The following ABI3BP variants were observed in gnomAD, a reference collection of about 807,000 sequenced individuals.
ABI3BP encodes the protein target of Nesh-SH3.
ABI3BP carries 216 observed loss-of-function variants against 268.6 expected under a neutral mutation model. The ratio of observed to expected loss-of-function variants is 0.80; its 90% CI spans 0.72 to 0.90. ABI3BP has a LOEUF of 0.90. Among genes scored for constraint, ABI3BP ranks in the 40% least tolerant of loss-of-function variants. The probability of loss-of-function intolerance (pLI) is 0.00; values close to 1 mark genes in which losing one functional copy is unlikely to be tolerated. For synonymous variants in ABI3BP, 730 were observed against 730.0 expected (o/e 1.00, Z 0.00); for missense variants, 2,090 against 2,182.4 (o/e 0.96, Z 0.84).
intron 26 of ABI3BP, 97 bp downstream of exon 26, chr3:100,838,113 A>T: frequency 7.5e-7 from 1 of 1,326,350 alleles, no homozygotes; most frequent in Non-Finnish European, 1.0e-6. Flanking sequence ...TGGTATTTGG[A>T]TTTCTATGAT....
intron 57 of ABI3BP, among the ~76,000 whole-genome samples, chr3:100,780,847 G>A (rs1021466002): frequency 2.6e-5 from 4 of 152,176 alleles, no homozygotes; most frequent in Non-Finnish European, 5.9e-5. Flanking sequence ...CAATAATCTT[G>A]TGGTTATTAC....
At chr3:100,839,677 A>G in intron 23 of ABI3BP, 61 bp from the exon 24 acceptor site, 3 of 1,481,718 alleles carry the variant, frequency 2.0e-6, no homozygotes, top group South Asian at 2.4e-5. Flanking sequence ...GAGGAGGGAG[A>G]CATTATGCCT....
At chr3:100,867,729 C>T (rs1581181306) in intron 9 of ABI3BP, among the ~76,000 whole-genome samples, 2 of 148,446 alleles carry the variant, frequency 1.3e-5, no homozygotes, top group East Asian at 2.0e-4. Flanking sequence ...TAGAAAACCA[C>T]AAACACCACA....
In ABI3BP at chr3:100,908,803, A is replaced by C. The variant is rs188601367; in HGVS notation, c.260-6117T>G. Among the ~76,000 whole-genome samples, 1,192 of 152,344 alleles carry C rather than the reference A, an allele frequency of 7.8e-3. 15 individuals carry two copies. The highest frequency in any genetic ancestry group is 0.027 in the Middle Eastern group (8 of 294). Reference sequence around the variant, plus strand: ...ACATTCCATGCTCATGGATAGGAAGAATCAATATTGTGAAAATGGCCATAC... The same window carrying C: ...ACATTCCATGCTCATGGATAGGAAGCATCAATATTGTGAAAATGGCCATAC... On this transcript the variant is annotated intron_variant, in intron 2 of 67. Transcript: ENST00000471714.
At chr3:100,843,656 T>A in intron 20 of ABI3BP, 1 of 982,860 alleles carries the variant, frequency 1.0e-6, no homozygotes, top group Non-Finnish European at 1.2e-6. Flanking sequence ...AGAAAGGGAA[T>A]TGTATGTGTA....
chr3:100,876,852 G>A (rs924800418), intron 6 of ABI3BP, among the ~76,000 whole-genome samples: 1 of 151,848 alleles, frequency 6.6e-6, no homozygotes, highest in Non-Finnish European at 1.5e-5. Flanking sequence ...GTTGGGCATG[G>A]TGGTGGGCGC....
intron 2 of ABI3BP, among the ~76,000 whole-genome samples, chr3:100,917,600 A>G (rs956815776): frequency 1.3e-5 from 2 of 152,162 alleles, no homozygotes; most frequent in Non-Finnish European, 2.9e-5. Context: ...TTTTTGGCCC[A>G]TGACAAAAAG....
In ABI3BP at chr3:100,787,891, T is replaced by C. The variant is rs1360063527; in HGVS notation, c.4088-89A>G. On this transcript the variant is annotated intron_variant, in intron 56 of 67. Transcript: ENST00000471714. Reference sequence around the variant, plus strand: ...AAATTTCTCAGAGAATTGAAAGTCATTTAGGCAATAAAAAAGATGACTTAC... The same window carrying C: ...AAATTTCTCAGAGAATTGAAAGTCACTTAGGCAATAAAAAAGATGACTTAC... 1.3e-5 allele frequency: 12 copies of C among 914,122 alleles called. No individual in the cohort carries two copies. The East Asian group carries it at 3.4e-4, about 26-fold the overall frequency. 56.6% of individuals were successfully genotyped at this position (914,122 alleles called of 1,614,324 possible).
At chr3:100,889,017 A>G (rs920833968) in intron 4 of ABI3BP, among the ~76,000 whole-genome samples, 1 of 152,080 alleles carries the variant, frequency 6.6e-6, no homozygotes, top group African/African-American at 2.4e-5. Flanking sequence ...TTAGACTATA[A>G]TATCTCTAAG....
At chr3:100,750,644 C>T (rs1246518907) in intron 67 of ABI3BP, 34 bp from the exon 68 acceptor site, 1 of 1,518,278 alleles carries the variant, frequency 6.6e-7, no homozygotes, top group African/African-American at 1.4e-5. Flanking sequence ...TTAATAGCTG[C>T]TGTATTATAT....
At chr3:100,894,720 A>T (rs762656976) in intron 4 of ABI3BP, among the ~76,000 whole-genome samples, 7 of 152,020 alleles carry the variant, frequency 4.6e-5, no homozygotes, top group South Asian at 2.1e-4. Flanking sequence ...AGGGCAGATC[A>T]CGAGGTCAGG....
In ABI3BP at chr3:100,828,433, T is replaced by C. The variant is rs1256702155; in HGVS notation, c.2562A>G (p.Glu854=). 2 of 1,535,148 alleles carry C rather than the reference T, an allele frequency of 1.3e-6. No individual in the cohort carries two copies. The highest frequency in any genetic ancestry group is 1.7e-6 in the Non-Finnish European group (2 of 1,146,360). Residue 854 remains glutamate (E), a synonymous_variant, in exon 34 of 68, where the codon GAA becomes GAG. Coordinates refer to ENST00000471714, the MANE Select transcript of ABI3BP (RefSeq NM_001375547.2). ...QTELVPATIF[E]PVSPIKEAPG... ...GAGCCTCTTTTATAGGAGAAACTGG[T>C]TCAAAGATTGTAGCAGGAACTGGCC...
In ABI3BP at chr3:100,945,174, A is replaced by AT. The variant is rs576337531; in HGVS notation, c.80-18694dup. On this transcript the variant is annotated intron_variant, in intron 1 of 67. Coordinates refer to ENST00000471714, the MANE Select transcript of ABI3BP (RefSeq NM_001375547.2). ...GAAAATCCAAATAAATCAGAAAATA[A>AT]TTTTTTAAGGAAACACTAATAATTT... 3.1e-3 allele frequency among the ~76,000 whole-genome samples: 467 copies of AT among 152,270 alleles called. 1 individual carries two copies. The highest frequency in any genetic ancestry group is 6.7e-3 in the Admixed American group (103 of 15,286).
chr3:100,993,180 A>T (rs928176947), intron 1 of ABI3BP, 126 bp downstream of exon 1: 1 of 653,894 alleles, frequency 1.5e-6, no homozygotes, highest in Non-Finnish European at 2.5e-6. Context: ...ACACATTTGA[A>T]CTTTGAATCT....
chr3:100,880,365 C>T (rs1010022409), intron 6 of ABI3BP, among the ~76,000 whole-genome samples: 4 of 152,180 alleles, frequency 2.6e-5, no homozygotes, highest in African/African-American at 9.7e-5. Context: ...TGCTGCAAAC[C>T]TCTACCGCTT....
chr3:100,833,227 T>A, intron 29 of ABI3BP, 70 bp from the exon 30 acceptor site: 1 of 1,410,928 alleles, frequency 7.1e-7, no homozygotes, highest in Non-Finnish European at 9.6e-7. Flanking sequence ...AAAGCCATCA[T>A]TCTCTTGAAA....
intron 38 of ABI3BP, among the ~76,000 whole-genome samples, chr3:100,821,598 T>C (rs907514848): frequency 7.3e-5 from 6 of 82,692 alleles, no homozygotes; most frequent in Non-Finnish European, 1.2e-4. Context: ...GAAGTAAGAC[T>C]TTTTTTTTTT....
chr3:100,832,230 C>T (rs1042884700), intron 31 of ABI3BP, 34 bp downstream of exon 31: 2 of 1,521,796 alleles, frequency 1.3e-6, no homozygotes, highest in East Asian at 2.4e-5. Context: ...TGGTAGACTG[C>T]TTGGATTCTA....
chr3:100,921,711 A>G (rs773923121), intron 2 of ABI3BP, among the ~76,000 whole-genome samples: 1 of 152,216 alleles, frequency 6.6e-6, no homozygotes, highest in Non-Finnish European at 1.5e-5. Context: ...CAAAATGGCA[A>G]AAGGAAGGTT....
Sources: allele counts gnomAD v4.1 joint callset (sites outside exome capture counted in the v4.1 genomes callset), GRCh38; gene constraint gnomAD v4.1.1; transcripts MANE v1.5; gene names NCBI Gene and HGNC (gene_info 2026-07-23, HGNC 2026-07-21).